The following SHANK2 variants were observed in gnomAD, a reference collection of about 807,000 sequenced individuals.
SHANK2 encodes SH3 and multiple ankyrin repeat domains protein 2.
Under a neutral mutation model 133.7 loss-of-function variants are expected in SHANK2, and 43 were observed. That is an observed-to-expected ratio of 0.32 (90% CI 0.25 to 0.41). The LOEUF (loss-of-function observed/expected upper bound fraction) is 0.41. Among genes scored for constraint, SHANK2 ranks in the 10% least tolerant of loss-of-function variants. The probability of loss-of-function intolerance (pLI) is 1.00; values close to 1 mark genes in which losing one functional copy is unlikely to be tolerated. For synonymous variants in SHANK2, 1,017 were observed against 952.8 expected, an observed-to-expected ratio of 1.07 and a Z score of -1.24; for missense variants, 1,994 against 2,235.8, an observed-to-expected ratio of 0.89 and a Z score of 2.18.
chr11:71,092,399 A>C, intron 8 of SHANK2, 23 bp downstream of exon 8: 1 of 1,550,368 alleles, frequency 6.5e-7, no homozygotes, highest in Non-Finnish European at 8.7e-7. Flanking sequence ...GGTACAACAG[A>C]GTGGAGAAGC....
At chr11:71,115,351 C>T (rs1355665160) in intron 4 of SHANK2, among the ~76,000 whole-genome samples, 1 of 152,106 alleles carries the variant, frequency 6.6e-6, no homozygotes, top group Non-Finnish European at 1.5e-5. Flanking sequence ...CACCTGTAAT[C>T]CTAGCTATTC....
At chr11:70,561,181 T>C (rs939603070) in intron 17 of SHANK2, among the ~76,000 whole-genome samples, 1 of 152,156 alleles carries the variant, frequency 6.6e-6, no homozygotes, top group African/African-American at 2.4e-5. Context: ...TGAGACATGG[T>C]CTCACTCCGT....
intron 17 of SHANK2, among the ~76,000 whole-genome samples, chr11:70,633,372 A>G (rs1555002908): frequency 6.6e-6 from 1 of 151,848 alleles, no homozygotes; most frequent in Non-Finnish European, 1.5e-5. Flanking sequence ...CAGAGAAGAC[A>G]CAGGGAGAGT....
chr11:71,214,802 TAAG>T (rs1417672372), intron 2 of SHANK2, among the ~76,000 whole-genome samples: 2 of 152,108 alleles, frequency 1.3e-5, no homozygotes, highest in Non-Finnish European at 2.9e-5. Context: ...GTGCAATTGC[TAAG>T]AAGGTGAAGT....
At chr11:70,684,574 C>T (rs1204954580) in intron 15 of SHANK2, among the ~76,000 whole-genome samples, 2 of 152,146 alleles carry the variant, frequency 1.3e-5, no homozygotes, top group Non-Finnish European at 2.9e-5. Context: ...CCCCCTACCC[C>T]CACCCCAAAG....
intron 17 of SHANK2, among the ~76,000 whole-genome samples, chr11:70,612,097 G>A (rs1284970942): frequency 6.6e-6 from 1 of 152,194 alleles, no homozygotes; most frequent in Non-Finnish European, 1.5e-5. Flanking sequence ...AGCTGGATGG[G>A]GTGGTGGGGA....
intron 14 of SHANK2, among the ~76,000 whole-genome samples, chr11:70,745,858 G>A (rs1268294241): frequency 6.6e-6 from 1 of 152,228 alleles, no homozygotes; most frequent in Non-Finnish European, 1.5e-5. Context: ...CTCATGCCCT[G>A]ATCCGCCACA....
rs1326901791 is a variant in SHANK2, at chr11:70,659,811, G to A, written c.2061+17C>T. The A allele has an allele frequency of 6.2e-7, 1 of 1,614,082 alleles. No homozygotes were observed. The highest frequency in any genetic ancestry group is 8.5e-7 in the Non-Finnish European group (1 of 1,180,024). ...CGCTCTCCCCAAGCAGAAAGATACA[G>A]ACACCTGTGTCCCTACCTCAATCAA... is the stretch of plus-strand genomic sequence containing the variant. On this transcript the variant is annotated intron_variant, in intron 17 of 25. Coordinates refer to ENST00000601538, the MANE Select transcript of SHANK2 (RefSeq NM_012309.5).
intron 3 of SHANK2, among the ~76,000 whole-genome samples, chr11:71,122,029 T>G (rs1296731797): frequency 6.6e-6 from 1 of 152,222 alleles, no homozygotes; most frequent in African/African-American, 2.4e-5. Context: ...GAAATAGGAA[T>G]GCTTTTACAC....
intron 2 of SHANK2, among the ~76,000 whole-genome samples, chr11:71,209,456 T>C (rs1954204940): frequency 6.6e-6 from 1 of 152,212 alleles, no homozygotes; most frequent in African/African-American, 2.4e-5. Flanking sequence ...CAGGCTTCCC[T>C]GTCCAGGGAC....
At chr11:70,815,385 G>A (rs1948371320) in intron 12 of SHANK2, among the ~76,000 whole-genome samples, 1 of 152,110 alleles carries the variant, frequency 6.6e-6, no homozygotes, top group South Asian at 2.1e-4. Flanking sequence ...GGACAGCCCT[G>A]CCACAGGCTC....
intron 3 of SHANK2, among the ~76,000 whole-genome samples, chr11:71,132,674 G>A (rs369195290): frequency 6.6e-6 from 1 of 152,130 alleles, no homozygotes; most frequent in East Asian, 1.9e-4. Context: ...TACAATATTT[G>A]CTTTAAATGA....
At chr11:70,716,746 C>T (rs192092101) in intron 14 of SHANK2, among the ~76,000 whole-genome samples, 185 of 152,306 alleles carry the variant, frequency 1.2e-3, no homozygotes, top group African/African-American at 3.9e-3. Flanking sequence ...AGTTGCCAGG[C>T]GGGTGAAGAC....
chr11:70,622,814 G>C (rs1389706894), intron 17 of SHANK2, among the ~76,000 whole-genome samples: 13 of 152,146 alleles, frequency 8.5e-5, no homozygotes, highest in African/African-American at 2.9e-4. Flanking sequence ...CAAACAAGCT[G>C]AACAACACAC....
intron 14 of SHANK2, among the ~76,000 whole-genome samples, chr11:70,740,853 G>A (rs1555034584): frequency 6.6e-6 from 1 of 152,146 alleles, no homozygotes; most frequent in African/African-American, 2.4e-5. Context: ...TCCAGCAGAT[G>A]GGAAAGGGCA....
At chr11:70,955,422 G>GGTGGGTGTGT (rs1950905058) in intron 10 of SHANK2, among the ~76,000 whole-genome samples, 1 of 146,458 alleles carries the variant, frequency 6.8e-6, no homozygotes, top group African/African-American at 2.6e-5. Flanking sequence ...AGACCCACGG[G>GGTGGGTGTGT]GTGTGTGTGT....
intron 15 of SHANK2, among the ~76,000 whole-genome samples, chr11:70,691,484 C>T (rs115175509): frequency 0.019 from 2,909 of 152,222 alleles, 98 homozygotes; most frequent in African/African-American, 0.067. Context: ...GCTGGGAGAG[C>T]GCAAAGGAAG....
At chr11:71,070,763 A>G (rs879103785) in intron 9 of SHANK2, among the ~76,000 whole-genome samples, 3 of 152,150 alleles carry the variant, frequency 2.0e-5, no homozygotes, top group African/African-American at 7.2e-5. Context: ...GTGGCAGTTG[A>G]ATCGTTATGA....
At chr11:70,629,462 G>A (rs940360974) in intron 17 of SHANK2, among the ~76,000 whole-genome samples, 1 of 152,182 alleles carries the variant, frequency 6.6e-6, no homozygotes, top group Non-Finnish European at 1.5e-5. Context: ...ACACACGGAC[G>A]TCCAGCAGGT....
Sources: allele counts gnomAD v4.1 joint callset (sites outside exome capture counted in the v4.1 genomes callset), GRCh38; gene constraint gnomAD v4.1.1; transcripts MANE v1.5; gene names NCBI Gene and HGNC (gene_info 2026-07-23, HGNC 2026-07-21).